Variants in ZNF718 observed in about 807,000 individuals in gnomAD.
ZNF718 encodes the protein zinc finger protein 718.
ZNF718 carries 3 observed loss-of-function variants against 2.6 expected under a neutral mutation model. That is an observed-to-expected ratio of 1.16 (90% CI 0.53 to 3.01). The LOEUF is 3.01. Ranked by LOEUF, ZNF718 falls within the 30% of genes most tolerant of loss-of-function variation. The pLI, the probability that ZNF718 is intolerant of heterozygous loss-of-function variation, is 0.03. For missense variants in ZNF718, 468 were observed against 230.0 expected, an observed-to-expected ratio of 2.03 and a Z score of -6.69; for synonymous variants, 135 against 77.9, an observed-to-expected ratio of 1.73 and a Z score of -3.86.
intron 3 of ZNF718, among the ~76,000 whole-genome samples, chr4:169,316 ATG>A (rs1190423307): frequency 6.6e-6 from 1 of 152,170 alleles, no homozygotes; most frequent in Non-Finnish European, 1.5e-5. Flanking sequence ...GCTGAGAAGA[ATG>A]TATATTCTGT....
At chr4:176,815 C>G (rs563988760) in intron 3 of ZNF718, among the ~76,000 whole-genome samples, 43 of 152,334 alleles carry the variant, frequency 2.8e-4, no homozygotes, top group African/African-American at 1.0e-3. Context: ...TCAAACTAAT[C>G]ACCCATGTCT....
chr4:134,357 A>G (rs1715465371), intron 3 of ZNF718, among the ~76,000 whole-genome samples: 1 of 152,192 alleles, frequency 6.6e-6, no homozygotes. Context: ...CATGTTAGCC[A>G]GGATGGTCTC....
chr4:130,127 C>G (rs1715315435), intron 1 of ZNF718, among the ~76,000 whole-genome samples: 1 of 103,628 alleles, frequency 9.6e-6, no homozygotes, highest in Admixed American at 1.0e-4. Context: ...AAGGGTGTTG[C>G]AGTGAGGGAC....
At chr4:126,369 A>G (rs533311681) in intron 1 of ZNF718, among the ~76,000 whole-genome samples, 1 of 152,238 alleles carries the variant, frequency 6.6e-6, no homozygotes, top group Non-Finnish European at 1.5e-5. Context: ...TTTTTGAAAT[A>G]TATGTAAATC....
chr4:161,647 C>A lies in ZNF718; in HGVS notation c.962C>A (p.Thr321Asn), dbSNP rs1371162513. The A allele has an allele frequency of 2.6e-6, 2 of 779,316 alleles. No individual in the cohort carries two copies. The highest frequency in any genetic ancestry group is 4.9e-5 in the East Asian group (2 of 41,158). The allele number at this position is 779,316 out of a possible 1,614,324, so 48.3% of individuals were successfully genotyped here. A position where few individuals can be genotyped will look rare whatever the true frequency, so the allele number is the denominator to read the frequency against. The change falls in exon 4 of 4, where the codon ACC (threonine) becomes AAC (asparagine). Residue 321 changes from threonine (T) to asparagine (N), a missense_variant. Physicochemically the swap from Thr to Asn is moderately conservative, Grantham distance 65 (BLOSUM62 0). Transcript: ENST00000510175. The stretch of plus-strand genomic sequence containing the variant: ...TGCGAAGAATGTGGCAATGTCTTTA[C>A]CACATCCTCAGACTTTGCTAAACAT... ...FSCEECGNVF[T>N]TSSDFAKHKR...
chr4:187,608 A>G (rs1183886642), intron 3 of ZNF718, among the ~76,000 whole-genome samples: 1 of 152,170 alleles, frequency 6.6e-6, no homozygotes, highest in Non-Finnish European at 1.5e-5. Flanking sequence ...CAGCATGCAC[A>G]TTCCTCTGGG....
chr4:171,025 G>C (rs1717214165), intron 3 of ZNF718, among the ~76,000 whole-genome samples: 1 of 152,112 alleles, frequency 6.6e-6, no homozygotes, highest in Admixed American at 6.6e-5. Context: ...TGGGGTTTTG[G>C]TGTGGATGTC....
In ZNF718 at chr4:162,245, TAAAC is replaced by T; in HGVS notation, c.*125_*128del. 1.8e-6 allele frequency: 1 copy of T among 551,420 alleles called. No homozygotes were observed. The highest frequency in any genetic ancestry group is 3.3e-6 in the Non-Finnish European group (1 of 305,328). The allele number at this position is 551,420 out of a possible 1,614,324, so 34.2% of individuals were successfully genotyped here. Reference sequence around the variant, plus strand: ...CTTTTAACCGCAACTCAATCTGTTCTAAACATAAGAGAAATGGTATTGGTGAGAA... The same window carrying T: ...CTTTTAACCGCAACTCAATCTGTTCTATAAGAGAAATGGTATTGGTGAGAA... On this transcript the variant is annotated 3_prime_UTR_variant, in exon 4 of 4. Coordinates refer to ENST00000510175, the MANE Select transcript of ZNF718 (RefSeq NM_001039127.6).
At chr4:136,120 C>T in intron 3 of ZNF718, among the ~76,000 whole-genome samples, 1 of 152,066 alleles carries the variant, frequency 6.6e-6, no homozygotes, top group East Asian at 1.9e-4. Flanking sequence ...GATTAAATTT[C>T]CTTGAGGACA....
intron 3 of ZNF718, among the ~76,000 whole-genome samples, chr4:196,544 G>A (rs556346591): frequency 7.9e-5 from 12 of 152,316 alleles, no homozygotes; most frequent in South Asian, 2.1e-4. Flanking sequence ...CAAGAAAGTC[G>A]TGGTCAGGAC....
At chr4:142,530 C>T (rs1553810425) in intron 3 of ZNF718, among the ~76,000 whole-genome samples, 1 of 152,164 alleles carries the variant, frequency 6.6e-6, no homozygotes, top group African/African-American at 2.4e-5. Context: ...GCCAGGAGGC[C>T]TTCACTCTTC....
chr4:147,074 G>T (rs184588182), intron 3 of ZNF718, among the ~76,000 whole-genome samples: 1 of 152,224 alleles, frequency 6.6e-6, no homozygotes, highest in East Asian at 1.9e-4. Flanking sequence ...AGATTCAAGC[G>T]ATTCTTTTGC....
downstream of ZNF718, among the ~76,000 whole-genome samples, chr4:168,848 C>T (rs1717158356): frequency 6.6e-6 from 1 of 152,100 alleles, no homozygotes; most frequent in African/African-American, 2.4e-5. Flanking sequence ...GTGTCTCTAT[C>T]TCCTTCAATT....
chr4:183,143 T>A (rs1369949083), intron 3 of ZNF718, among the ~76,000 whole-genome samples: 2 of 152,212 alleles, frequency 1.3e-5, no homozygotes, highest in Admixed American at 1.3e-4. Context: ...GTTTTACATT[T>A]AAGTCTTTAA....
At chr4:190,312 C>G (rs1168068870) in intron 3 of ZNF718, among the ~76,000 whole-genome samples, 4 of 151,760 alleles carry the variant, frequency 2.6e-5, no homozygotes, top group Non-Finnish European at 4.4e-5. Context: ...CGCCTGTAGT[C>G]CCAGCTACTC....
chr4:169,818 C>A (rs1717179772), intron 3 of ZNF718, among the ~76,000 whole-genome samples: 1 of 152,050 alleles, frequency 6.6e-6, no homozygotes, highest in Non-Finnish European at 1.5e-5. Context: ...CAGTCTGTGT[C>A]TTTTAATTGG....
At chr4:148,454 C>G (rs1553811800) in intron 3 of ZNF718, among the ~76,000 whole-genome samples, 1 of 151,786 alleles carries the variant, frequency 6.6e-6, no homozygotes, top group African/African-American at 2.4e-5. Flanking sequence ...ACTAAAAATA[C>G]AAAAATTTGC....
At chr4:186,776 A>G (rs961520421) in intron 3 of ZNF718, among the ~76,000 whole-genome samples, 1 of 152,130 alleles carries the variant, frequency 6.6e-6, no homozygotes, top group African/African-American at 2.4e-5. Context: ...TTATGTTTCT[A>G]TGTATACTGG....
At chr4:189,489 G>A (rs11736321) in intron 3 of ZNF718, among the ~76,000 whole-genome samples, 20,004 of 151,702 alleles carry the variant, frequency 0.13, 1,734 homozygotes, top group Admixed American at 0.24. Flanking sequence ...TATTAATCTC[G>A]TATTTTGTGA....
Sources: gnomAD v4.1 joint callset for allele counts (sites outside exome capture counted in the v4.1 genomes callset) on GRCh38, gnomAD v4.1.1 for gene constraint, MANE v1.5 for transcripts, NCBI Gene and HGNC (gene_info 2026-07-23, HGNC 2026-07-21) for gene names.